PRPF39: variants seen among roughly 807,000 people sequenced by gnomAD.
The protein encoded by PRPF39 is pre-mRNA processing factor 39, also known as pre-mRNA-processing factor 39.
In PRPF39, 27 loss-of-function variants were observed where a neutral mutation model predicts 82.1. That is an observed-to-expected ratio of 0.33 (90% CI 0.24 to 0.45). The LOEUF (loss-of-function observed/expected upper bound fraction) is 0.45, where lower values mean the gene tolerates loss of function less well. PRPF39 is among the 20% of genes least tolerant of loss of function. The probability of loss-of-function intolerance (pLI) is 1.00; values close to 1 mark genes in which losing one functional copy is unlikely to be tolerated. For synonymous variants in PRPF39, 261 were observed against 256.4 expected, an observed-to-expected ratio of 1.02 and a Z score of -0.17; for missense variants, 581 against 796.9, an observed-to-expected ratio of 0.73 and a Z score of 3.26.
chr14:45,103,719 A>C (rs1884444821), intron 5 of PRPF39, among the ~76,000 whole-genome samples: 1 of 152,152 alleles, frequency 6.6e-6, no homozygotes, highest in Non-Finnish European at 1.5e-5. Context: ...ACACTTGCTG[A>C]AAGATGTTAA....
Position 45,084,131 on chromosome 14 carries a change from C to G in PRPF39, c.-138C>G, listed in dbSNP as rs1315556490. The G allele has an allele frequency of 6.5e-6, 1 of 153,350 alleles. No homozygotes were observed. The highest frequency in any genetic ancestry group is 2.4e-5 in the African/African-American group (1 of 41,478). 9.5% of individuals were successfully genotyped at this position (153,350 alleles called of 1,614,324 possible). A position where few individuals can be genotyped will look rare whatever the true frequency, so the allele number is the denominator to read the frequency against. On this transcript the variant is annotated 5_prime_UTR_variant, in exon 1 of 14. Transcript: ENST00000355765. ...CATGCGCATCGTGCCCTGGACCAGG[C>G]GGCCGTGGCGCGGGTGGCGGCTGCT... is the stretch of plus-strand genomic sequence containing the variant.
intron 10 of PRPF39, among the ~76,000 whole-genome samples, chr14:45,111,315 A>G (rs954788714): frequency 6.6e-6 from 1 of 152,086 alleles, no homozygotes; most frequent in African/African-American, 2.4e-5. Flanking sequence ...ATACAGATTT[A>G]TAGCAGTTTG....
At chr14:45,101,622 C>A (rs1319569879) in intron 4 of PRPF39, among the ~76,000 whole-genome samples, 1 of 151,826 alleles carries the variant, frequency 6.6e-6, no homozygotes, top group East Asian at 1.9e-4. Flanking sequence ...TGCACCACAA[C>A]GCCTGGCTAA....
chr14:45,092,293 A>G (rs1266489252), intron 1 of PRPF39, among the ~76,000 whole-genome samples: 1 of 152,152 alleles, frequency 6.6e-6, no homozygotes, highest in Non-Finnish European at 1.5e-5. Flanking sequence ...GACTAGTGCA[A>G]CTTTTCCAGA....
chr14:45,107,364 C>A, intron 5 of PRPF39, 87 bp from the exon 6 acceptor site: 1 of 1,014,024 alleles, frequency 9.9e-7, no homozygotes, highest in Non-Finnish European at 1.4e-6. Context: ...AAATCAAATC[C>A]TTTGAAAGAG....
rs1052592978 is a variant in PRPF39 at position 45,114,315 on chromosome 14, G to C, written c.1832+58G>C. On this transcript the variant is annotated intron_variant, in intron 12 of 13. Transcript: ENST00000355765. ...GCTTCATTATGGAAATGCCTTCAAA[G>C]ACAAATGTTTTTAAGTGTTACTTTT... The C allele has an allele frequency of 3.5e-6, 5 of 1,433,598 alleles. No homozygotes were observed. The South Asian group carries it at 3.7e-5, about 11-fold the overall frequency. The allele number at this position is 1,433,598 out of a possible 1,614,324, so 88.8% of individuals were successfully genotyped here.
chr14:45,109,886 T>C, intron 8 of PRPF39, 106 bp downstream of exon 8: 3 of 1,515,174 alleles, frequency 2.0e-6, no homozygotes, highest in Non-Finnish European at 2.6e-6. Context: ...CTATATCTGT[T>C]GCATTAGGAG....
intron 11 of PRPF39, among the ~76,000 whole-genome samples, 176 bp from the exon 12 acceptor site, chr14:45,114,007 G>A (rs867678750): frequency 2.0e-5 from 3 of 152,294 alleles, no homozygotes; most frequent in African/African-American, 2.4e-5. Flanking sequence ...TCCATTATAA[G>A]TATAGGGAAT....
chr14:45,090,452 T>A (rs896033151), intron 1 of PRPF39, among the ~76,000 whole-genome samples: 1 of 152,200 alleles, frequency 6.6e-6, no homozygotes, highest in Non-Finnish European at 1.5e-5. Flanking sequence ...ACCCTTCTAC[T>A]TCTCAATACC....
intron 5 of PRPF39, 38 bp downstream of exon 5, chr14:45,102,734 T>C: frequency 6.7e-7 from 1 of 1,491,956 alleles, no homozygotes; most frequent in East Asian, 2.4e-5. Flanking sequence ...CATCTTTGAT[T>C]ACTCAGATAG....
In PRPF39 at chr14:45,096,870, T is replaced by C; in HGVS notation, c.451-17T>C. 6.5e-7 allele frequency: 1 copy of C among 1,541,718 alleles called. No individual in the cohort carries two copies. Among genetic ancestry groups the C allele is most frequent in the Non-Finnish European group, 8.7e-7 (1 of 1,143,758 alleles). ...ATAATTAAATATTTGAAGTACAGTT[T>C]GCTGTTTTCTTCTTAGGTTTATCGG... On this transcript the variant is annotated splice_polypyrimidine_tract_variant and intron_variant, in intron 3 of 13. Transcript: ENST00000355765.
chr14:45,111,212 A>G (rs1884686533), intron 10 of PRPF39, among the ~76,000 whole-genome samples: 1 of 152,192 alleles, frequency 6.6e-6, no homozygotes, highest in African/African-American at 2.4e-5. Context: ...AGTACTTTTT[A>G]TATTTTTTAT....
intron 1 of PRPF39, 121 bp from the exon 2 acceptor site, chr14:45,095,099 GA>G: frequency 1.7e-6 from 1 of 576,210 alleles, no homozygotes; most frequent in Non-Finnish European, 3.0e-6. Context: ...ACTTGTAGGG[GA>G]TTAAGACTCA....
rs780833029 is a variant in PRPF39 at position 45,112,431 on chromosome 14, TATTAAAATGAGA to T, written c.1691_1702del (p.Lys564_Ile567del). 6.5e-7 allele frequency: 1 copy of T among 1,544,836 alleles called. No individual in the cohort carries two copies. The highest frequency in any genetic ancestry group is 1.3e-5 in the South Asian group (1 of 78,890). On this transcript the variant is annotated inframe_deletion, in exon 11 of 14. Transcript: ENST00000355765. ...ACAAAGCTGTACATGGTTCATTACC[TATTAAAATGAGA>T]ATTACATTTTCTCAGAGAAAAGTGG...
At chr14:45,114,641 G>A (rs1884786326) in intron 13 of PRPF39, 27 bp downstream of exon 13, 1 of 1,582,078 alleles carries the variant, frequency 6.3e-7, no homozygotes, top group South Asian at 1.2e-5. Context: ...ATAATTCTTT[G>A]TTCATAGATG....
Position 45,112,483 on chromosome 14 carries a change from T to G in PRPF39, c.1738T>G (p.Phe580Val). Residue 580 changes from phenylalanine to valine, a missense_variant, in exon 11 of 14, where the codon TTT becomes GTT. By Grantham distance (50) the Phe-to-Val change is conservative. Transcript: ENST00000355765. ...SQRKVEFLED[F>V]GSDVNKLLNA... ...GAGAAAAGTGGAATTTCTTGAAGAT[T>G]TTGGTTCCGATGTTAATAAGTAAGA... The G allele has an allele frequency of 6.6e-7, 1 of 1,518,632 alleles. No individual in the cohort carries two copies. The highest frequency in any genetic ancestry group is 8.8e-7 in the Non-Finnish European group (1 of 1,142,032). 94.1% of individuals were successfully genotyped at this position (1,518,632 alleles called of 1,614,324 possible).
At chr14:45,106,759 C>A (rs907945566) in intron 5 of PRPF39, among the ~76,000 whole-genome samples, 2 of 151,978 alleles carry the variant, frequency 1.3e-5, no homozygotes, top group Admixed American at 1.3e-4. Flanking sequence ...AGATGAGAAC[C>A]AAATGGAGAG....
At chr14:45,099,486 C>G (rs1884304023) in intron 4 of PRPF39, among the ~76,000 whole-genome samples, 1 of 152,050 alleles carries the variant, frequency 6.6e-6, no homozygotes, top group Non-Finnish European at 1.5e-5. Flanking sequence ...CCTCTCTCCC[C>G]CAGGGTGGAG....
intron 5 of PRPF39, among the ~76,000 whole-genome samples, chr14:45,104,340 T>C (rs1031233380): frequency 6.6e-6 from 1 of 152,238 alleles, no homozygotes; most frequent in Admixed American, 6.5e-5. Context: ...TTATCAGTTA[T>C]AGTGAACTCA....
Sources: gnomAD v4.1 joint callset for allele counts (sites outside exome capture counted in the v4.1 genomes callset) on GRCh38, gnomAD v4.1.1 for gene constraint, MANE v1.5 for transcripts, NCBI Gene and HGNC (gene_info 2026-07-23, HGNC 2026-07-21) for gene names.